SLC4A8: variants seen among roughly 807,000 people sequenced by gnomAD.
SLC4A8 encodes solute carrier family 4 member 8.
In SLC4A8, 40 loss-of-function variants were observed where a neutral mutation model predicts 125.0. The observed-to-expected ratio is 0.32, with a 90% CI of 0.25 to 0.42. The LOEUF (loss-of-function observed/expected upper bound fraction) is 0.42, where lower values mean the gene tolerates loss of function less well. Ranked by LOEUF, SLC4A8 falls within the 10% of genes least tolerant of loss-of-function variation. The probability of loss-of-function intolerance (pLI) is 1.00; values close to 1 mark genes in which losing one functional copy is unlikely to be tolerated. For missense variants in SLC4A8, 863 were observed against 1,355.1 expected, an observed-to-expected ratio of 0.64 and a Z score of 5.70; for synonymous variants, 456 against 476.0, an observed-to-expected ratio of 0.96 and a Z score of 0.55.
intron 11 of SLC4A8, among the ~76,000 whole-genome samples, chr12:51,465,366 A>G (rs1235108381): frequency 6.6e-6 from 1 of 152,218 alleles, no homozygotes; most frequent in Non-Finnish European, 1.5e-5. Context: ...CAAAGAAAAC[A>G]AATAGATTAG....
At chr12:51,496,088 T>C (rs1951453116) in intron 21 of SLC4A8, among the ~76,000 whole-genome samples, 1 of 152,210 alleles carries the variant, frequency 6.6e-6, no homozygotes, top group South Asian at 2.1e-4. Flanking sequence ...TTCTCAATTT[T>C]GTCAGGCTAC....
chr12:51,420,669 A>G (rs1421312500), upstream of SLC4A8, among the ~76,000 whole-genome samples: 2 of 152,266 alleles, frequency 1.3e-5, no homozygotes, highest in East Asian at 3.8e-4. Context: ...CACTGGTATT[A>G]TAGAAGAGAA....
In SLC4A8 at chr12:51,474,417, A is replaced by C. The variant is rs1194764472; in HGVS notation, c.1980A>C (p.Ala660=). Residue 660 remains alanine (A), a synonymous_variant, in exon 15 of 25, where the codon GCA becomes GCC. Coordinates refer to ENST00000453097, the MANE Select transcript of SLC4A8 (RefSeq NM_001039960.3). ...QYWKDHNIVT[A]EVHWANLTVS... ...GGAAGGACCACAACATCGTGACAGC[A>C]GAAGTCCACTGGGCTAACCTGACTG... is the stretch of plus-strand genomic sequence containing the variant. 1 of 1,613,786 alleles carries C rather than the reference A, an allele frequency of 6.2e-7. No individual in the cohort carries two copies.
chr12:51,418,427 CTAAT>C (rs1316401490), intron 1 of SLC4A8, among the ~76,000 whole-genome samples: 4 of 152,164 alleles, frequency 2.6e-5, no homozygotes, highest in Non-Finnish European at 5.9e-5. Context: ...AAGTTATAGT[CTAAT>C]TATAATGGCT....
chr12:51,450,891 A>C lies in SLC4A8; in HGVS notation c.146A>C (p.Tyr49Ser). The C allele has an allele frequency of 1.2e-6, 2 of 1,613,356 alleles. No individual in the cohort carries two copies. Among genetic ancestry groups the C allele is most frequent in the Non-Finnish European group, 1.7e-6 (2 of 1,179,670 alleles). Residue 49 changes from tyrosine to serine, a missense_variant, in exon 3 of 25, where the codon TAT becomes TCT. Tyr to Ser is a moderately radical substitution (Grantham distance 144). Transcript: ENST00000453097. ...KEELEGHRTL[Y>S]VGVRMPLGRQ... ...TTCTTTCCAGGTCACAGAACTCTGT[A>C]TGTGGGAGTTCGGATGCCGCTTGGC...
chr12:51,488,323 G>A (rs937203206), intron 17 of SLC4A8, among the ~76,000 whole-genome samples: 3 of 152,110 alleles, frequency 2.0e-5, no homozygotes, highest in Non-Finnish European at 4.4e-5. Context: ...TTTAGGGGGT[G>A]GATTCTGGGA....
intron 21 of SLC4A8, among the ~76,000 whole-genome samples, chr12:51,495,858 T>C (rs1250633343): frequency 6.6e-6 from 1 of 152,184 alleles, no homozygotes; most frequent in African/African-American, 2.4e-5. Context: ...ATTTCCTTCC[T>C]TTTTAAGATT....
chr12:51,394,706 A>T (rs1364392390), intron 1 of SLC4A8, among the ~76,000 whole-genome samples: 1 of 152,220 alleles, frequency 6.6e-6, no homozygotes, highest in Non-Finnish European at 1.5e-5. Flanking sequence ...GGGTGGGAAG[A>T]GGGAGAAGAT....
intron 1 of SLC4A8, among the ~76,000 whole-genome samples, chr12:51,434,062 A>G (rs1021717702): frequency 2.0e-5 from 3 of 151,954 alleles, no homozygotes; most frequent in South Asian, 2.1e-4. Context: ...TGTTGTAGGG[A>G]CGAGGTTTCA....
At chr12:51,426,818 G>T (rs1196745954) in intron 1 of SLC4A8, among the ~76,000 whole-genome samples, 1 of 152,024 alleles carries the variant, frequency 6.6e-6, no homozygotes, top group Non-Finnish European at 1.5e-5. Flanking sequence ...ACAAGGGGAA[G>T]CCACTGAAGG....
Position 51,496,999 on chromosome 12 carries a change from G to A in SLC4A8, c.2956G>A (p.Val986Ile). Residue 986 changes from valine (V) to isoleucine (I), a missense_variant, in exon 22 of 25, where the codon GTC becomes ATC. Transcript: ENST00000453097. ...IVFPMMVLAL[V>I]FVRKVMDLCF... is the part of the protein sequence containing the mutation. ...AATTTTTCTTCAGGTTTTGGCCTTG[G>A]TCTTTGTCAGGAAAGTCATGGATCT... 1.2e-6 allele frequency: 2 copies of A among 1,613,742 alleles called. No individual in the cohort carries two copies. The highest frequency in any genetic ancestry group is 1.7e-6 in the Non-Finnish European group (2 of 1,179,894).
At chr12:51,477,782 T>G (rs886783537) in intron 16 of SLC4A8, among the ~76,000 whole-genome samples, 1 of 152,202 alleles carries the variant, frequency 6.6e-6, no homozygotes, top group African/African-American at 2.4e-5. Context: ...CCTCCTGATT[T>G]GACTTCACTG....
rs183416740 is a variant in SLC4A8 at position 51,402,412 on chromosome 12, C to T, written c.-112+10924C>T. On this transcript the variant is annotated intron_variant, in intron 1 of 24. Coordinates refer to the SLC4A8 transcript ENST00000358657. ...GGCATTTGCTACCCCGATAAACTCA[C>T]AGGTGCTAAATTTAAAGGCTAAAGT... is the stretch of plus-strand genomic sequence containing the variant. Among the ~76,000 whole-genome samples the T allele has an allele frequency of 9.8e-5, 15 of 152,350 alleles. No individual in the cohort carries two copies. In the East Asian group the frequency reaches 2.9e-3, roughly 29 times the overall value.
At chr12:51,432,489 CCGAGGT>C (rs1293207172) in intron 1 of SLC4A8, among the ~76,000 whole-genome samples, 1 of 150,850 alleles carries the variant, frequency 6.6e-6, no homozygotes, top group Non-Finnish European at 1.5e-5. Flanking sequence ...CCTTGGGAGG[CCGAGGT>C]GGGTGGATCA....
rs768868617 is a variant in SLC4A8, at chr12:51,485,792, C to T, written c.2178C>T (p.Arg726=). 1.3e-6 allele frequency: 2 copies of T among 1,598,738 alleles called. No homozygotes were observed. The highest frequency in any genetic ancestry group is 2.2e-5 in the South Asian group (2 of 90,738). ...CCACTTCTTTCTCATGCCAGGTACG[C>T]TCCATGGTGAGTGACTTTGCTGTTT... The part of the protein sequence containing the change: ...KTSRYFPTRV[R]SMVSDFAVFL... The change falls in exon 17 of 25, where the codon CGC becomes CGT. Residue 726 remains arginine, a synonymous_variant. Transcript: ENST00000453097.
At chr12:51,438,907 T>C (rs185726183) in intron 1 of SLC4A8, among the ~76,000 whole-genome samples, 168 of 150,474 alleles carry the variant, frequency 1.1e-3, no homozygotes, top group African/African-American at 4.0e-3. Context: ...CATATATTTG[T>C]TGACTATTTG....
chr12:51,495,428 T>C (rs1388331796), intron 21 of SLC4A8, among the ~76,000 whole-genome samples: 1 of 151,650 alleles, frequency 6.6e-6, no homozygotes, highest in Non-Finnish European at 1.5e-5. Context: ...ACAGAATTTG[T>C]CCTTTTGTGA....
At chr12:51,392,465 C>T (rs1207477716) in intron 1 of SLC4A8, among the ~76,000 whole-genome samples, 2 of 148,144 alleles carry the variant, frequency 1.4e-5, no homozygotes, top group Non-Finnish European at 3.0e-5. Context: ...CCCAGCTACT[C>T]GGGAGGCTGA....
chr12:51,450,168 A>G (rs775661571), intron 2 of SLC4A8, among the ~76,000 whole-genome samples: 10 of 152,128 alleles, frequency 6.6e-5, no homozygotes, highest in Non-Finnish European at 1.2e-4. Context: ...ATGACTTACA[A>G]CTAGTCTCTT....
Sources: gnomAD v4.1 joint callset for allele counts (sites outside exome capture counted in the v4.1 genomes callset) on GRCh38, gnomAD v4.1.1 for gene constraint, MANE v1.5 for transcripts, NCBI Gene and HGNC (gene_info 2026-07-23, HGNC 2026-07-21) for gene names.